PAICS: variants seen among roughly 807,000 people sequenced by gnomAD.
PAICS encodes the protein phosphoribosylaminoimidazole carboxylase and phosphoribosylaminoimidazolesuccinocarboxamide synthase.
Under a neutral mutation model 53.7 loss-of-function variants are expected in PAICS, and 33 were observed. The observed-to-expected ratio is 0.61, with a 90% CI of 0.47 to 0.82. The LOEUF (loss-of-function observed/expected upper bound fraction) is 0.82, where lower values mean the gene tolerates loss of function less well. PAICS is among the 40% of genes least tolerant of loss of function. PAICS has a pLI of 0.00. For missense variants in PAICS, 394 were observed against 494.1 expected (o/e 0.80, Z 1.92); for synonymous variants, 141 against 167.2 (o/e 0.84, Z 1.21).
intron 8 of PAICS, among the ~76,000 whole-genome samples, chr4:56,457,091 C>G (rs148415216): frequency 6.6e-6 from 1 of 152,176 alleles, no homozygotes; most frequent in Non-Finnish European, 1.5e-5. Context: ...GCCTGGCGTC[C>G]CCTAGTTCAA....
intron 1 of PAICS, among the ~76,000 whole-genome samples, chr4:56,437,256 G>GTT (rs1553941061): frequency 1.6e-5 from 2 of 124,308 alleles, no homozygotes; most frequent in Non-Finnish European, 3.3e-5. Flanking sequence ...ATGCCATGAT[G>GTT]GTGTGTGTGT....
chr4:56,432,067 CTAAT>C (rs761995893), upstream of PAICS, among the ~76,000 whole-genome samples: 13 of 152,316 alleles, frequency 8.5e-5, no homozygotes, highest in Non-Finnish European at 1.8e-4. Flanking sequence ...ACTGGCTTAA[CTAAT>C]TGATACTCTA....
intron 1 of PAICS, chr4:56,436,535 AACG>A: frequency 1.4e-6 from 1 of 710,902 alleles, no homozygotes; most frequent in Non-Finnish European, 2.6e-6. Context: ...AGTAGAGGAG[AACG>A]AGAAATGGCC....
At chr4:56,443,581 G>A (rs894164534) in intron 2 of PAICS, among the ~76,000 whole-genome samples, 3 of 152,132 alleles carry the variant, frequency 2.0e-5, no homozygotes, top group African/African-American at 7.2e-5. Context: ...AATGTTAGCA[G>A]TCAGAAGATT....
upstream of PAICS, chr4:56,435,321 G>A: frequency 6.2e-7 from 1 of 1,611,082 alleles, no homozygotes; most frequent in South Asian, 1.1e-5. Context: ...GGAGACGCAC[G>A]CCCCCGCCAC....
the PAICS span, among the ~76,000 whole-genome samples, chr4:56,417,835 G>GTTTTTTTTTTTTTTTTTTTT: frequency 3.6e-4 from 37 of 102,580 alleles, 3 homozygotes; most frequent in African/African-American, 1.3e-3. Context: ...TGAAGATTTG[G>GTTTTTTTTTTTTTTTTTTTT]TTTTTTGTTT....
At chr4:56,424,794 G>A in the PAICS span, among the ~76,000 whole-genome samples, 3 of 152,148 alleles carry the variant, frequency 2.0e-5, no homozygotes, top group Admixed American at 1.3e-4. Flanking sequence ...ACTTAATTCC[G>A]CTCCAATATC....
At position 56,463,875 on chromosome 4, in the gene PAICS, G is replaced by T. The variant is rs1302747564; in HGVS notation, c.*4337G>T. The T allele has an allele frequency of 6.6e-6, 1 of 152,188 alleles. No individual in the cohort carries two copies. Among genetic ancestry groups the T allele is most frequent in the South Asian group, 2.1e-4 (1 of 4,826 alleles). The allele number at this position is 152,188 out of a possible 1,614,324, so 9.4% of individuals were successfully genotyped here. Reference sequence around the variant, plus strand: ...CATCTGTGATGGTGTTTCTGGAAGAGACTAGCACTTGAATCAGTAGACTTG... The same window carrying T: ...CATCTGTGATGGTGTTTCTGGAAGATACTAGCACTTGAATCAGTAGACTTG... On this transcript the variant is annotated 3_prime_UTR_variant, in exon 9 of 9. Transcript: ENST00000512576.
chr4:56,417,999 C>G, the PAICS span, among the ~76,000 whole-genome samples: 1 of 151,942 alleles, frequency 6.6e-6, no homozygotes, highest in Non-Finnish European at 1.5e-5. Flanking sequence ...ACCACACACC[C>G]AACTAATTTT....
In PAICS at chr4:56,451,857, G is replaced by T; in HGVS notation, c.772-15G>T. The T allele has an allele frequency of 2.0e-6, 3 of 1,495,606 alleles. No homozygotes were observed. The highest frequency in any genetic ancestry group is 2.7e-6 in the Non-Finnish European group (3 of 1,115,930). The allele number at this position is 1,495,606 out of a possible 1,614,324, so 92.6% of individuals were successfully genotyped here. A position where few individuals can be genotyped will look rare whatever the true frequency, so the allele number is the denominator to read the frequency against. ...GTTTTTATGTTCTTTTCATATCCACGTATTTTTTCTTCAGTTGCTTTTGAA... is the reference window on the plus strand; with the variant it reads ...GTTTTTATGTTCTTTTCATATCCACTTATTTTTTCTTCAGTTGCTTTTGAA... On this transcript the variant is annotated splice_polypyrimidine_tract_variant and intron_variant, in intron 6 of 8. Coordinates refer to ENST00000512576, the MANE Select transcript of PAICS (RefSeq NM_001079524.2).
the PAICS span, among the ~76,000 whole-genome samples, chr4:56,414,643 G>A: frequency 2.6e-4 from 39 of 152,326 alleles, no homozygotes; most frequent in Non-Finnish European, 4.9e-4. Context: ...TGAAGAGGTT[G>A]GAGAGAGAGC....
the PAICS span, among the ~76,000 whole-genome samples, chr4:56,412,995 T>C: frequency 9.2e-6 from 1 of 108,420 alleles, no homozygotes; most frequent in Admixed American, 1.1e-4. Flanking sequence ...TTCCATAATA[T>C]TTAACTGAGT....
upstream of PAICS, among the ~76,000 whole-genome samples, chr4:56,435,080 G>C (rs1717824149): frequency 6.6e-6 from 1 of 152,188 alleles, no homozygotes; most frequent in Non-Finnish European, 1.5e-5. Context: ...CCAGCCTCTG[G>C]ATGGGTGCAC....
At chr4:56,453,956 G>A (rs1719056451) in intron 8 of PAICS, among the ~76,000 whole-genome samples, 195 bp downstream of exon 8, 1 of 152,106 alleles carries the variant, frequency 6.6e-6, no homozygotes, top group African/African-American at 2.4e-5. Flanking sequence ...TTATACTTAA[G>A]TATATGTTTA....
chr4:56,442,824 C>T (rs56362514), intron 2 of PAICS, among the ~76,000 whole-genome samples: 20,542 of 152,062 alleles, frequency 0.14, 1,808 homozygotes, highest in East Asian at 0.27. Flanking sequence ...GTTAGATGTA[C>T]GTGCCTTCCA....
In PAICS at chr4:56,448,899, A is replaced by G. The variant is rs531428035; in HGVS notation, c.687+76A>G. On this transcript the variant is annotated intron_variant, in intron 5 of 8. Coordinates refer to ENST00000512576, the MANE Select transcript of PAICS (RefSeq NM_001079524.2). ...GAGGAGAAAGGAGAGATGAGGGGAAAAAGCAAATTATTGTTCCTAATGATA... is the reference window on the plus strand; with the variant it reads ...GAGGAGAAAGGAGAGATGAGGGGAAGAAGCAAATTATTGTTCCTAATGATA... 78 of 759,202 alleles carry G rather than the reference A, an allele frequency of 1.0e-4. 1 individual carries two copies. In the South Asian group the frequency reaches 1.2e-3, roughly 12 times the overall value. The allele number at this position is 759,202 out of a possible 1,614,324, so 47.0% of individuals were successfully genotyped here.
chr4:56,423,277 T>C, the PAICS span: 1 of 152,226 alleles, frequency 6.6e-6, no homozygotes, highest in Non-Finnish European at 1.5e-5. Flanking sequence ...ACAGGACAGA[T>C]TCTTAGGTTT....
chr4:56,457,118 G>A (rs1442944171), intron 8 of PAICS, among the ~76,000 whole-genome samples: 1 of 152,182 alleles, frequency 6.6e-6, no homozygotes, highest in Non-Finnish European at 1.5e-5. Flanking sequence ...CAAGACTGAA[G>A]TCTGTTTTAC....
At chr4:56,435,339 C>CTGTT, upstream of PAICS, 1 of 1,613,650 alleles carries the variant, frequency 6.2e-7, no homozygotes, top group Non-Finnish European at 8.5e-7. Context: ...CACCCCCACC[C>CTGTT]TGTTGCTCAC....
Sources: gnomAD v4.1 joint callset for allele counts (sites outside exome capture counted in the v4.1 genomes callset) on GRCh38, gnomAD v4.1.1 for gene constraint, MANE v1.5 for transcripts, NCBI Gene and HGNC (gene_info 2026-07-23, HGNC 2026-07-21) for gene names.